Variants in VAC14 observed in about 807,000 individuals in gnomAD.
The protein encoded by VAC14 is protein VAC14 homolog.
Under a neutral mutation model 85.3 loss-of-function variants are expected in VAC14, and 47 were observed. That is an observed-to-expected ratio of 0.55 (90% CI 0.44 to 0.70). The LOEUF is 0.70. VAC14 is among the 30% of genes least tolerant of loss of function. VAC14 has a pLI of 0.00. For synonymous variants in VAC14, 447 were observed against 430.5 expected (o/e 1.04, Z -0.47); for missense variants, 861 against 1,004.3 (o/e 0.86, Z 1.93).
intron 1 of VAC14, among the ~76,000 whole-genome samples, chr16:70,791,589 T>C (rs1007623698): frequency 2.0e-5 from 3 of 152,198 alleles, no homozygotes; most frequent in Non-Finnish European, 4.4e-5. Flanking sequence ...TTTCACCATG[T>C]TGGCCAGGCT....
Position 70,687,770 on chromosome 16 carries a change from G to A in VAC14, c.*158C>T. ...GCCTGGGGACTGGACTCTGAGAGGAGCTTGGGCAGACACAGCAGCCTCCGG... is the reference window on the plus strand; with the variant it reads ...GCCTGGGGACTGGACTCTGAGAGGAACTTGGGCAGACACAGCAGCCTCCGG... On this transcript the variant is annotated 3_prime_UTR_variant, in exon 19 of 19. Coordinates refer to ENST00000261776, the MANE Select transcript of VAC14 (RefSeq NM_018052.5). The A allele has an allele frequency of 1.3e-6, 1 of 772,778 alleles. No individual in the cohort carries two copies. The allele number at this position is 772,778 out of a possible 1,614,324, so 47.9% of individuals were successfully genotyped here.
intron 12 of VAC14, among the ~76,000 whole-genome samples, chr16:70,748,582 G>A (rs1259856925): frequency 6.6e-6 from 1 of 152,222 alleles, no homozygotes; most frequent in Non-Finnish European, 1.5e-5. Context: ...CCAGAGTGGG[G>A]AATGGGGCCA....
chr16:70,757,539 C>T (rs1056423334), intron 12 of VAC14, among the ~76,000 whole-genome samples: 20 of 152,328 alleles, frequency 1.3e-4, no homozygotes, highest in Non-Finnish European at 2.1e-4. Context: ...CCACTGTGTC[C>T]TTGTCTGCCT....
intron 14 of VAC14, chr16:70,731,201 G>A: frequency 1.1e-6 from 1 of 937,200 alleles, no homozygotes; most frequent in Non-Finnish European, 1.3e-6. Flanking sequence ...CCAAAAGCCT[G>A]ACAATGGCAT....
chr16:70,776,389 C>T (rs1037555525), intron 9 of VAC14, among the ~76,000 whole-genome samples: 2 of 152,146 alleles, frequency 1.3e-5, no homozygotes, highest in African/African-American at 4.8e-5. Context: ...GGATTACAGG[C>T]ATGAGCCACT....
In VAC14 at chr16:70,687,898, C is replaced by G; in HGVS notation, c.*30G>C. ...CGACCCTTAGTGTTTCATGGGACCA[C>G]TCGGTGGGCCCTCCTCCGTGCCAGG... On this transcript the variant is annotated 3_prime_UTR_variant, in exon 19 of 19. Transcript: ENST00000261776. 8 of 1,474,460 alleles carry G rather than the reference C, an allele frequency of 5.4e-6. No individual in the cohort carries two copies. The highest frequency in any genetic ancestry group is 7.2e-6 in the Non-Finnish European group (8 of 1,103,824). 91.3% of individuals were successfully genotyped at this position (1,474,460 alleles called of 1,614,324 possible).
chr16:70,697,683 C>A (rs2053741563), intron 15 of VAC14, among the ~76,000 whole-genome samples: 1 of 152,202 alleles, frequency 6.6e-6, no homozygotes, highest in South Asian at 2.1e-4. Context: ...CCTCTGCAGT[C>A]CACTTCGAAC....
rs1464995582 is a variant in VAC14 at position 70,745,516 on chromosome 16, T to TGC, written c.1372-938_1372-937insGC. ...GTGTGTGTGTGTGTGTGTGTGTGTG[T>TGC]GTGCGCGTGTGCGCGCGTGTGCCTG... is the stretch of plus-strand genomic sequence containing the variant. On this transcript the variant is annotated intron_variant, in intron 12 of 18. Transcript: ENST00000261776. 8.7e-3 allele frequency among the ~76,000 whole-genome samples: 1,228 copies of TGC among 141,914 alleles called. 46 individuals carry two copies. Among genetic ancestry groups the TGC allele is most frequent in the Middle Eastern group, 0.022 (6 of 274 alleles). 93.1% of individuals were successfully genotyped at this position (141,914 alleles called of 152,430 possible).
intron 14 of VAC14, among the ~76,000 whole-genome samples, chr16:70,725,257 C>T (rs1388888374): frequency 6.6e-6 from 1 of 152,238 alleles, no homozygotes; most frequent in African/African-American, 2.4e-5. Context: ...TCGGCAGCTG[C>T]AGGGGATGAC....
At chr16:70,747,234 T>G (rs1359878854) in intron 12 of VAC14, 1 of 152,076 alleles carries the variant, frequency 6.6e-6, no homozygotes, top group African/African-American at 2.4e-5. Flanking sequence ...CCACATCCTG[T>G]ATGATGACTC....
intron 13 of VAC14, among the ~76,000 whole-genome samples, chr16:70,740,805 T>C (rs1020702647): frequency 3.9e-5 from 6 of 152,132 alleles, no homozygotes; most frequent in Admixed American, 1.3e-4. Context: ...GGAGGCAGGG[T>C]GGGAGAAGCC....
At chr16:70,739,495 TCTC>T (rs1391696425) in intron 13 of VAC14, among the ~76,000 whole-genome samples, 1 of 152,144 alleles carries the variant, frequency 6.6e-6, no homozygotes. Flanking sequence ...GCCTGGCCCC[TCTC>T]CTCCTCCCCT....
At chr16:70,731,782 A>G (rs971281242) in intron 13 of VAC14, among the ~76,000 whole-genome samples, 155 bp from the exon 14 acceptor site, 8 of 152,178 alleles carry the variant, frequency 5.3e-5, no homozygotes, top group African/African-American at 1.9e-4. Context: ...AGAGCCATGG[A>G]GCAACAGAGA....
rs960434865 is a variant in VAC14 at position 70,691,056 on chromosome 16, G to C, written c.2186+1765C>G. ...CCTGCAAAGCATCCACTGACCCTCA[G>C]AATCTTCTACCCAGAGGCCTCAACC... On this transcript the variant is annotated intron_variant, in intron 18 of 18. Transcript: ENST00000261776. 5.1e-6 allele frequency: 5 copies of C among 985,346 alleles called. No homozygotes were observed. The African/African-American group carries it at 8.7e-5, about 17-fold the overall frequency. The allele number at this position is 985,346 out of a possible 1,614,324, so 61.0% of individuals were successfully genotyped here. A position where few individuals can be genotyped will look rare whatever the true frequency, so the allele number is the denominator to read the frequency against.
intron 9 of VAC14, chr16:70,779,055 C>T (rs774151527): frequency 2.0e-5 from 3 of 152,228 alleles, no homozygotes; most frequent in Admixed American, 6.5e-5. Context: ...GGCCGGGAAT[C>T]GAACCCGGGC....
chr16:70,692,695 C>A (rs915811628), intron 18 of VAC14, 126 bp downstream of exon 18: 1 of 1,349,168 alleles, frequency 7.4e-7, no homozygotes, highest in Non-Finnish European at 1.0e-6. Flanking sequence ...GTCACAGTGA[C>A]AAAAGGGGTG....
chr16:70,786,089 G>C, intron 2 of VAC14, 126 bp downstream of exon 2: 1 of 1,472,244 alleles, frequency 6.8e-7, no homozygotes, highest in African/African-American at 1.4e-5. Context: ...TCTCAGGTGC[G>C]GACAGAGTGG....
chr16:70,765,873 T>C (rs2032767707), intron 10 of VAC14, among the ~76,000 whole-genome samples: 1 of 152,142 alleles, frequency 6.6e-6, no homozygotes, highest in African/African-American at 2.4e-5. Context: ...GGCTCACACC[T>C]GAAATCCCAG....
At chr16:70,698,086 G>A (rs1213989902) in intron 15 of VAC14, among the ~76,000 whole-genome samples, 2 of 152,192 alleles carry the variant, frequency 1.3e-5, no homozygotes, top group South Asian at 2.1e-4. Flanking sequence ...CTGACCAGTC[G>A]TTGGTGCATC....
Sources: gnomAD v4.1 joint callset for allele counts (sites outside exome capture counted in the v4.1 genomes callset) on GRCh38, gnomAD v4.1.1 for gene constraint, MANE v1.5 for transcripts, NCBI Gene and HGNC (gene_info 2026-07-23, HGNC 2026-07-21) for gene names.